The following KCNIP4 variants were observed in gnomAD, a reference collection of about 807,000 sequenced individuals.
KCNIP4 encodes potassium voltage-gated channel interacting protein 4, also known as Kv channel-interacting protein 4.
KCNIP4 carries 12 observed loss-of-function variants against 34.0 expected under a neutral mutation model. That is an observed-to-expected ratio of 0.35 (90% CI 0.23 to 0.57). The LOEUF is 0.57. Among genes scored for constraint, KCNIP4 ranks in the 20% least tolerant of loss-of-function variants. KCNIP4 has a pLI of 0.83. For missense variants in KCNIP4, 238 were observed against 311.7 expected, an observed-to-expected ratio of 0.76 and a Z score of 1.78; for synonymous variants, 124 against 102.2, an observed-to-expected ratio of 1.21 and a Z score of -1.29.
intron 1 of KCNIP4, among the ~76,000 whole-genome samples, chr4:21,335,840 A>T (rs771509189): frequency 1.6e-4 from 25 of 152,190 alleles, no homozygotes; most frequent in Non-Finnish European, 2.6e-4. Flanking sequence ...TTGTAGAAAG[A>T]AGTATAAAGA....
intron 1 of KCNIP4, among the ~76,000 whole-genome samples, chr4:21,456,132 CA>C (rs1728936464): frequency 6.8e-6 from 1 of 146,790 alleles, no homozygotes; most frequent in Admixed American, 6.7e-5. Context: ...CTTCTCTGGG[CA>C]AAGCATTTGC....
At chr4:20,878,056 G>T (rs897039964) in intron 2 of KCNIP4, among the ~76,000 whole-genome samples, 7 of 151,848 alleles carry the variant, frequency 4.6e-5, no homozygotes, top group Non-Finnish European at 4.4e-5. Flanking sequence ...CAATATCAGA[G>T]GTCATCAGTG....
intron 1 of KCNIP4, among the ~76,000 whole-genome samples, chr4:21,412,215 A>G (rs1724571056): frequency 6.6e-6 from 1 of 152,160 alleles, no homozygotes. Flanking sequence ...CACAACCAAC[A>G]GTCATTCTCC....
At chr4:20,934,379 T>A (rs1730819995) in intron 1 of KCNIP4, among the ~76,000 whole-genome samples, 1 of 152,228 alleles carries the variant, frequency 6.6e-6, no homozygotes, top group Non-Finnish European at 1.5e-5. Context: ...ATTATCAATT[T>A]ACTAGATCAT....
chr4:20,740,276 A>C (rs1374565068), intron 5 of KCNIP4, among the ~76,000 whole-genome samples: 2 of 152,122 alleles, frequency 1.3e-5, no homozygotes, highest in Non-Finnish European at 2.9e-5. Context: ...AAGACACATA[A>C]ATTGTCAGAT....
chr4:21,794,109 A>G (rs1433428367), intron 1 of KCNIP4, among the ~76,000 whole-genome samples: 1 of 152,004 alleles, frequency 6.6e-6, no homozygotes, highest in Admixed American at 6.6e-5. Context: ...AACATCACAC[A>G]ATGGGGCCTG....
At chr4:21,757,203 G>GAA (rs1282521030) in intron 1 of KCNIP4, among the ~76,000 whole-genome samples, 1 of 18,098 alleles carries the variant, frequency 5.5e-5, no homozygotes, top group African/African-American at 4.2e-4. Context: ...AGGAAGGAAA[G>GAA]AAAGAAAGAA....
rs527351520 is a variant in KCNIP4, at chr4:21,464,320, T to C, written c.61+484251A>G. On this transcript the variant is annotated intron_variant, in intron 1 of 8. Transcript: ENST00000382152. ...AGATTATTGACTTGAGATGTTATTATATAGACATTTGTAGTTATAAATTTC... is the reference window on the plus strand; with the variant it reads ...AGATTATTGACTTGAGATGTTATTACATAGACATTTGTAGTTATAAATTTC... 8.5e-5 allele frequency among the ~76,000 whole-genome samples: 13 copies of C among 152,152 alleles called. No individual in the cohort carries two copies. The East Asian group carries it at 1.9e-3, about 23-fold the overall frequency.
At chr4:21,419,285 A>G (rs1725240279) in intron 1 of KCNIP4, among the ~76,000 whole-genome samples, 1 of 152,206 alleles carries the variant, frequency 6.6e-6, no homozygotes, top group Non-Finnish European at 1.5e-5. Context: ...TCCATCCCAA[A>G]CAATAGCTTC....
chr4:21,105,289 T>C (rs1361803543), intron 1 of KCNIP4, among the ~76,000 whole-genome samples: 1 of 151,764 alleles, frequency 6.6e-6, no homozygotes, highest in South Asian at 2.1e-4. Flanking sequence ...TGGTTTGCAG[T>C]TCTCCTTGAA....
At chr4:20,812,841 A>T (rs1368469821) in intron 3 of KCNIP4, among the ~76,000 whole-genome samples, 1 of 152,130 alleles carries the variant, frequency 6.6e-6, no homozygotes, top group Non-Finnish European at 1.5e-5. Context: ...AATACTAAGG[A>T]TAGGGGAGGA....
chr4:21,078,165 C>A (rs1745669679), intron 1 of KCNIP4, among the ~76,000 whole-genome samples: 1 of 151,832 alleles, frequency 6.6e-6, no homozygotes, highest in African/African-American at 2.4e-5. Flanking sequence ...AGATATTACT[C>A]ATTTGAGAAA....
chr4:21,883,668 T>C (rs1394527005), intron 1 of KCNIP4, among the ~76,000 whole-genome samples: 5 of 152,148 alleles, frequency 3.3e-5, no homozygotes, highest in Admixed American at 3.3e-4. Flanking sequence ...TTTTAGCAAA[T>C]GTCATCCACA....
intron 1 of KCNIP4, among the ~76,000 whole-genome samples, chr4:21,053,007 G>GTA (rs1053157550): frequency 2.7e-5 from 4 of 150,522 alleles, no homozygotes; most frequent in African/African-American, 9.8e-5. Flanking sequence ...AGAAAGATAT[G>GTA]TATACACACA....
At chr4:21,703,464 C>CA (rs1204692299) in intron 1 of KCNIP4, among the ~76,000 whole-genome samples, 1 of 151,940 alleles carries the variant, frequency 6.6e-6, no homozygotes, top group Non-Finnish European at 1.5e-5. Flanking sequence ...ATCGCAAGGA[C>CA]AAAAAACCAA....
intron 1 of KCNIP4, among the ~76,000 whole-genome samples, chr4:21,058,317 T>C (rs1743606808): frequency 6.6e-6 from 1 of 152,120 alleles, no homozygotes; most frequent in African/African-American, 2.4e-5. Context: ...TATATCATCA[T>C]TTATCTCTGC....
At position 20,868,165 on chromosome 4, in the gene KCNIP4, C is replaced by T. The variant is rs570835988; in HGVS notation, c.163+14443G>A. ...AAATCAACAAGCTAAAACCAAATAA[C>T]CCCCTTTAAAAACGGGCAAAGGACA... On this transcript the variant is annotated intron_variant, in intron 2 of 8. Transcript: ENST00000382152. Among the ~76,000 whole-genome samples, 8 of 152,048 alleles carry T rather than the reference C, an allele frequency of 5.3e-5. No homozygotes were observed. The South Asian group carries it at 8.3e-4, about 16-fold the overall frequency.
chr4:21,585,516 T>C (rs1240622103), intron 1 of KCNIP4, among the ~76,000 whole-genome samples: 1 of 152,136 alleles, frequency 6.6e-6, no homozygotes. Flanking sequence ...TATATTTCAC[T>C]GTGTCATGAG....
chr4:21,212,499 A>G (rs746162822), intron 1 of KCNIP4, among the ~76,000 whole-genome samples: 7 of 152,206 alleles, frequency 4.6e-5, no homozygotes, highest in Admixed American at 6.5e-5. Flanking sequence ...CCAAAAGGGT[A>G]AAACATTGTT....
Sources: gnomAD v4.1 joint callset for allele counts (sites outside exome capture counted in the v4.1 genomes callset) on GRCh38, gnomAD v4.1.1 for gene constraint, MANE v1.5 for transcripts, NCBI Gene and HGNC (gene_info 2026-07-23, HGNC 2026-07-21) for gene names.